The following PSMA8 variants were observed in gnomAD, a reference collection of about 807,000 sequenced individuals.
PSMA8 encodes proteasome 20S subunit alpha 8.
In PSMA8, 18 loss-of-function variants were observed where a neutral mutation model predicts 32.4. That is an observed-to-expected ratio of 0.56 (90% CI 0.38 to 0.82). PSMA8 has a LOEUF of 0.82. Ranked by LOEUF, PSMA8 falls within the 40% of genes least tolerant of loss-of-function variation. The pLI, the probability that PSMA8 is intolerant of heterozygous loss-of-function variation, is 0.00. For missense variants in PSMA8, 298 were observed against 300.7 expected, an observed-to-expected ratio of 0.99 and a Z score of 0.07; for synonymous variants, 104 against 98.1, an observed-to-expected ratio of 1.06 and a Z score of -0.36.
At chr18:26,155,041 C>T (rs984164990) in intron 3 of PSMA8, among the ~76,000 whole-genome samples, 34 of 152,112 alleles carry the variant, frequency 2.2e-4, no homozygotes, top group Admixed American at 1.3e-4. Flanking sequence ...TCAAGACCAG[C>T]GTGGGCAAAA....
At chr18:26,165,061 G>A (rs139386154) in intron 4 of PSMA8, among the ~76,000 whole-genome samples, 3,472 of 152,148 alleles carry the variant, frequency 0.023, 62 homozygotes, top group Middle Eastern at 0.088. Context: ...GGGATTACAG[G>A]TGCCTGCCAC....
intron 1 of PSMA8, among the ~76,000 whole-genome samples, chr18:26,135,836 A>G (rs2054907179): frequency 6.6e-6 from 1 of 152,220 alleles, no homozygotes; most frequent in Non-Finnish European, 1.5e-5. Flanking sequence ...TATAGTGGGC[A>G]TTTTTAAAGA....
At chr18:26,158,311 C>T (rs2055107676) in intron 4 of PSMA8, 67 bp downstream of exon 4, 2 of 1,257,384 alleles carry the variant, frequency 1.6e-6, no homozygotes, top group Non-Finnish European at 2.2e-6. Flanking sequence ...TGCTTTATTG[C>T]TTTGAGAGAC....
At chr18:26,138,785 A>G (rs1311665210) in intron 1 of PSMA8, among the ~76,000 whole-genome samples, 1 of 152,236 alleles carries the variant, frequency 6.6e-6, no homozygotes, top group East Asian at 1.9e-4. Flanking sequence ...CCAGAAAAAC[A>G]TTAAGCAGTA....
intron 2 of PSMA8, 75 bp downstream of exon 2, chr18:26,144,760 G>A: frequency 7.3e-7 from 1 of 1,370,918 alleles, no homozygotes; most frequent in East Asian, 2.3e-5. Context: ...CAGTGCTGCA[G>A]TTGTGCTATA....
chr18:26,168,225 T>C (rs1190751752), intron 4 of PSMA8, among the ~76,000 whole-genome samples: 3 of 126,274 alleles, frequency 2.4e-5, no homozygotes, highest in Admixed American at 2.3e-4. Context: ...GTTTTTTTCC[T>C]CACATAACTT....
At chr18:26,137,751 A>G (rs1287693312) in intron 1 of PSMA8, among the ~76,000 whole-genome samples, 2 of 152,216 alleles carry the variant, frequency 1.3e-5, no homozygotes, top group African/African-American at 4.8e-5. Flanking sequence ...CTGTCCTTAG[A>G]GATCCTACTA....
chr18:26,140,202 T>TGGCAGGCTGGCGTGATGCCTAGGTCAGCA lies in PSMA8; in HGVS notation c.103-4345_103-4317dup, dbSNP rs2054944165. Reference sequence around the variant, plus strand: ...GGGTGGGCCTGCCACTAGAGTCCTTTGGCAGGCTGGCGTGATGCCTAGGTC... The same window carrying TGGCAGGCTGGCGTGATGCCTAGGTCAGCA: ...GGGTGGGCCTGCCACTAGAGTCCTTTGGCAGGCTGGCGTGATGCCTAGGTCAGCAGGCAGGCTGGCGTGATGCCTAGGTC... On this transcript the variant is annotated intron_variant, in intron 1 of 6. Transcript: ENST00000415576. The TGGCAGGCTGGCGTGATGCCTAGGTCAGCA allele has an allele frequency of 4.3e-6, 3 of 698,242 alleles. No individual in the cohort carries two copies. The African/African-American group carries it at 5.3e-5, about 12-fold the overall frequency. The allele number at this position is 698,242 out of a possible 1,614,324, so 43.3% of individuals were successfully genotyped here. A position where few individuals can be genotyped will look rare whatever the true frequency, so the allele number is the denominator to read the frequency against.
intron 6 of PSMA8, among the ~76,000 whole-genome samples, chr18:26,187,048 T>C (rs1180061844): frequency 1.3e-5 from 2 of 152,150 alleles, no homozygotes; most frequent in Non-Finnish European, 2.9e-5. Flanking sequence ...GATTCTTCCA[T>C]GAAAGGATGG....
intron 2 of PSMA8, among the ~76,000 whole-genome samples, chr18:26,146,132 T>A (rs2055000959): frequency 6.6e-6 from 1 of 151,110 alleles, no homozygotes; most frequent in Admixed American, 6.6e-5. Context: ...ATGTGCTTAT[T>A]TGCCCCTATA....
At chr18:26,165,996 G>C (rs2144321268) in intron 4 of PSMA8, among the ~76,000 whole-genome samples, 1 of 152,212 alleles carries the variant, frequency 6.6e-6, no homozygotes, top group African/African-American at 2.4e-5. Context: ...CAGCTACTTG[G>C]GAGGCTGAGG....
chr18:26,166,542 A>G (rs183088463), intron 4 of PSMA8, among the ~76,000 whole-genome samples: 1 of 152,226 alleles, frequency 6.6e-6, no homozygotes, highest in Non-Finnish European at 1.5e-5. Context: ...TCAGGTATAC[A>G]TCTTTTTAAC....
chr18:26,158,103 A>C lies in PSMA8; in HGVS notation c.355-19A>C, dbSNP rs772228990. 3 of 1,534,624 alleles carry C rather than the reference A, an allele frequency of 2.0e-6. No homozygotes were observed. In the East Asian group the frequency reaches 6.8e-5, roughly 35 times the overall value. ...TGTAACTAATAGTTTTATTCTAAAA[A>C]TACGTTTTATTTTTCTAGAAATATA... On this transcript the variant is annotated intron_variant, in intron 3 of 6. Coordinates refer to ENST00000415576, the MANE Select transcript of PSMA8 (RefSeq NM_001025096.2).
chr18:26,147,450 G>C lies in PSMA8; in HGVS notation c.229+2765G>C, dbSNP rs144434449. On this transcript the variant is annotated intron_variant, in intron 2 of 6. Coordinates refer to ENST00000415576, the MANE Select transcript of PSMA8 (RefSeq NM_001025096.2). ...CATATCAAAACTTGGGGAATGTATT[G>C]AAAGTAGTGCTAATAGGAAAATTTA... Among the ~76,000 whole-genome samples, 616 of 152,152 alleles carry C rather than the reference G, an allele frequency of 4.0e-3. 4 individuals are homozygous for C. Among genetic ancestry groups the C allele is most frequent in the African/African-American group, 0.014 (596 of 41,506 alleles).
chr18:26,152,838 T>G (rs1320134872), intron 3 of PSMA8, among the ~76,000 whole-genome samples: 2 of 152,212 alleles, frequency 1.3e-5, no homozygotes, highest in East Asian at 3.9e-4. Context: ...TCTCTTGCTC[T>G]CTCTCATCTC....
At chr18:26,144,960 C>T (rs1197297761) in intron 2 of PSMA8, among the ~76,000 whole-genome samples, 2 of 152,068 alleles carry the variant, frequency 1.3e-5, no homozygotes, top group Non-Finnish European at 2.9e-5. Context: ...TTAGAAGAAG[C>T]TACCAAAAAC....
At chr18:26,164,773 A>G (rs568920130) in intron 4 of PSMA8, among the ~76,000 whole-genome samples, 11 of 152,288 alleles carry the variant, frequency 7.2e-5, no homozygotes, top group Admixed American at 4.6e-4. Context: ...AGACACTTAA[A>G]TATGGATTGT....
intron 1 of PSMA8, among the ~76,000 whole-genome samples, chr18:26,134,347 GTGTGTGTGTGTGTGTGTCTC>G (rs2054892598): frequency 1.5e-5 from 2 of 134,680 alleles, no homozygotes; most frequent in East Asian, 2.0e-4. Context: ...GTGGGTGTGT[GTGTGTGTGTGTGTGTGTCTC>G]TGTGTGTGTG....
At chr18:26,149,796 A>G (rs1425098838) in intron 2 of PSMA8, among the ~76,000 whole-genome samples, 1 of 152,234 alleles carries the variant, frequency 6.6e-6, no homozygotes, top group Non-Finnish European at 1.5e-5. Flanking sequence ...AATGAATGAA[A>G]GACCTAAACA....
Sources: gnomAD v4.1 joint callset for allele counts (sites outside exome capture counted in the v4.1 genomes callset) on GRCh38, gnomAD v4.1.1 for gene constraint, MANE v1.5 for transcripts, NCBI Gene and HGNC (gene_info 2026-07-23, HGNC 2026-07-21) for gene names.